GRK5: variants seen among roughly 807,000 people sequenced by gnomAD.
GRK5 encodes g protein-coupled receptor kinase GRK5.
GRK5 carries 40 observed loss-of-function variants against 78.4 expected under a neutral mutation model. The observed-to-expected ratio is 0.51, with a 90% CI of 0.40 to 0.66. GRK5 has a LOEUF of 0.66. Ranked by LOEUF, GRK5 falls within the 30% of genes least tolerant of loss-of-function variation. GRK5 has a pLI of 0.00. For synonymous variants in GRK5, 289 were observed against 296.8 expected (o/e 0.97, Z 0.27); for missense variants, 598 against 759.9 (o/e 0.79, Z 2.50).
intron 4 of GRK5, among the ~76,000 whole-genome samples, chr10:119,397,531 T>C (rs1281149493): frequency 6.6e-6 from 1 of 152,238 alleles, no homozygotes. Flanking sequence ...AGATGGGACC[T>C]GTGTGGGAAT....
At chr10:119,377,104 T>C (rs1851637205) in intron 2 of GRK5, among the ~76,000 whole-genome samples, 1 of 152,170 alleles carries the variant, frequency 6.6e-6, no homozygotes, top group African/African-American at 2.4e-5. Context: ...TCTGCCCTTG[T>C]CCTAGGTGTT....
intron 1 of GRK5, among the ~76,000 whole-genome samples, chr10:119,228,124 A>G (rs1341811305): frequency 6.6e-6 from 1 of 152,128 alleles, no homozygotes; most frequent in Non-Finnish European, 1.5e-5. Context: ...AGCTATTAAG[A>G]ATTATGGAGA....
At chr10:119,353,932 C>CTTT (rs761463283) in intron 2 of GRK5, among the ~76,000 whole-genome samples, 19 of 108,732 alleles carry the variant, frequency 1.7e-4, no homozygotes, top group African/African-American at 3.2e-4. Flanking sequence ...TTTTTTCTTT[C>CTTT]TTTTTTTTTT....
At chr10:119,287,945 C>G (rs750421372) in intron 1 of GRK5, among the ~76,000 whole-genome samples, 1 of 150,738 alleles carries the variant, frequency 6.6e-6, no homozygotes, top group Non-Finnish European at 1.5e-5. Context: ...GCTCATTCCC[C>G]GTCCTCCCTG....
chr10:119,363,274 T>A (rs1851394031), intron 2 of GRK5, among the ~76,000 whole-genome samples: 2 of 140,184 alleles, frequency 1.4e-5, no homozygotes, highest in Admixed American at 1.4e-4. Flanking sequence ...AGAGTGAAAC[T>A]GTCTCAAAAA....
chr10:119,301,923 T>G (rs1230139124), intron 1 of GRK5, among the ~76,000 whole-genome samples: 1 of 152,242 alleles, frequency 6.6e-6, no homozygotes, highest in Non-Finnish European at 1.5e-5. Flanking sequence ...TTGGAGCTCA[T>G]TCACTTAATG....
At chr10:119,280,885 T>C (rs1182672580) in intron 1 of GRK5, among the ~76,000 whole-genome samples, 2 of 151,474 alleles carry the variant, frequency 1.3e-5, no homozygotes, top group East Asian at 3.9e-4. Context: ...GTTCAAGCAA[T>C]TCTCCTTCCT....
At chr10:119,350,923 G>C (rs962977347) in intron 2 of GRK5, among the ~76,000 whole-genome samples, 4 of 152,182 alleles carry the variant, frequency 2.6e-5, no homozygotes, top group African/African-American at 4.8e-5. Context: ...ATGGGGCTGT[G>C]GGAGAATGTT....
chr10:119,364,480 A>G (rs1589766028), intron 2 of GRK5, among the ~76,000 whole-genome samples: 1 of 152,122 alleles, frequency 6.6e-6, no homozygotes, highest in South Asian at 2.1e-4. Flanking sequence ...CATGCCATAT[A>G]CTTTCTGAAT....
At chr10:119,429,790 G>A (rs974506117) in intron 6 of GRK5, among the ~76,000 whole-genome samples, 4 of 152,100 alleles carry the variant, frequency 2.6e-5, no homozygotes, top group African/African-American at 7.2e-5. Flanking sequence ...CCCAGGACAC[G>A]ATTTGAAGAC....
rs781307056 is a variant in GRK5 at position 119,455,176 on chromosome 10, G to A, written c.*109G>A. 1 of 900,674 alleles carries A rather than the reference G, an allele frequency of 1.1e-6. No individual in the cohort carries two copies. The highest frequency in any genetic ancestry group is 1.8e-6 in the Non-Finnish European group (1 of 547,642). 55.8% of individuals were successfully genotyped at this position (900,674 alleles called of 1,614,324 possible). On this transcript the variant is annotated 3_prime_UTR_variant, in exon 16 of 16. Coordinates refer to ENST00000392870, the MANE Select transcript of GRK5 (RefSeq NM_005308.3). Reference sequence around the variant, plus strand: ...GTGGGGCTGCCAGGGGAGACCCCGGGAGCCGGGGAAGGAGGCCGTCCATCC... The same window carrying A: ...GTGGGGCTGCCAGGGGAGACCCCGGAAGCCGGGGAAGGAGGCCGTCCATCC...
At chr10:119,286,512 GC>G (rs574456284) in intron 1 of GRK5, among the ~76,000 whole-genome samples, 3 of 152,234 alleles carry the variant, frequency 2.0e-5, no homozygotes, top group Non-Finnish European at 4.4e-5. Flanking sequence ...GGGCCCCAGG[GC>G]CCCCCTCAGC....
Position 119,457,307 on chromosome 10 carries a change from T to A in GRK5, c.*2240T>A, listed in dbSNP as rs912587913. 1 of 152,192 alleles carries A rather than the reference T, an allele frequency of 6.6e-6. No individual in the cohort carries two copies. 9.4% of individuals were successfully genotyped at this position (152,192 alleles called of 1,614,324 possible). A position where few individuals can be genotyped will look rare whatever the true frequency, so the allele number is the denominator to read the frequency against. On this transcript the variant is annotated 3_prime_UTR_variant, in exon 16 of 16. Coordinates refer to ENST00000392870, the MANE Select transcript of GRK5 (RefSeq NM_005308.3). ...GTGTTGGGAAGCAGCCTCTTTTTAT[T>A]CCTGAAAGGCAATGCCCTGTCCGTT... is the stretch of plus-strand genomic sequence containing the variant.
At chr10:119,402,495 T>TAAG (rs1021087925) in intron 4 of GRK5, among the ~76,000 whole-genome samples, 1 of 152,096 alleles carries the variant, frequency 6.6e-6, no homozygotes, top group Non-Finnish European at 1.5e-5. Context: ...GTTCCCATTG[T>TAAG]AATAATAATA....
chr10:119,457,464 A>G lies in GRK5; in HGVS notation c.*2397A>G, dbSNP rs549440554. The G allele has an allele frequency of 6.6e-6, 1 of 152,296 alleles. No individual in the cohort carries two copies. Among genetic ancestry groups the G allele is most frequent in the Admixed American group, 6.5e-5 (1 of 15,292 alleles). The allele number at this position is 152,296 out of a possible 1,614,324, so 9.4% of individuals were successfully genotyped here. A position where few individuals can be genotyped will look rare whatever the true frequency, so the allele number is the denominator to read the frequency against. On this transcript the variant is annotated 3_prime_UTR_variant, in exon 16 of 16. Coordinates refer to ENST00000392870, the MANE Select transcript of GRK5 (RefSeq NM_005308.3). Reference sequence around the variant, plus strand: ...TCTATGATAACTTGAGTCTTCCATCATGTTTGCCACCAGCCCTCCCTGAGT... The same window carrying G: ...TCTATGATAACTTGAGTCTTCCATCGTGTTTGCCACCAGCCCTCCCTGAGT...
At chr10:119,350,213 A>C (rs1476993593) in intron 2 of GRK5, among the ~76,000 whole-genome samples, 1 of 152,166 alleles carries the variant, frequency 6.6e-6, no homozygotes, top group East Asian at 1.9e-4. Context: ...CCCCTTTCAC[A>C]TGTGGGTCCT....
chr10:119,251,832 C>G (rs1366359898), intron 1 of GRK5, among the ~76,000 whole-genome samples: 1 of 152,138 alleles, frequency 6.6e-6, no homozygotes, highest in Admixed American at 6.5e-5. Flanking sequence ...CAGACTTTGT[C>G]AAATGTCCTC....
At chr10:119,386,461 A>C (rs1218387376) in intron 3 of GRK5, among the ~76,000 whole-genome samples, 1 of 152,132 alleles carries the variant, frequency 6.6e-6, no homozygotes, top group East Asian at 1.9e-4. Flanking sequence ...AAAGGGGGGA[A>C]AAAAATCCAA....
At chr10:119,358,839 G>A (rs113112704) in intron 2 of GRK5, among the ~76,000 whole-genome samples, 287 of 152,244 alleles carry the variant, frequency 1.9e-3, no homozygotes, top group African/African-American at 6.7e-3. Flanking sequence ...GGTGCCTCAG[G>A]GCTGGCTTCT....
Sources: allele counts gnomAD v4.1 joint callset (sites outside exome capture counted in the v4.1 genomes callset), GRCh38; gene constraint gnomAD v4.1.1; transcripts MANE v1.5; gene names NCBI Gene and HGNC (gene_info 2026-07-23, HGNC 2026-07-21).